PCDHGB3: variants seen among roughly 807,000 people sequenced by gnomAD.
PCDHGB3 encodes the protein protocadherin gamma subfamily B, 3.
A neutral mutation model predicts 59.2 loss-of-function variants in PCDHGB3; 40 were observed. That is an observed-to-expected ratio of 0.68 (90% confidence interval 0.52 to 0.88). The LOEUF (loss-of-function observed/expected upper bound fraction) is 0.88. Ranked by LOEUF, PCDHGB3 falls within the 40% of genes least tolerant of loss-of-function variation. The probability of loss-of-function intolerance (pLI) is 0.00; values close to 1 mark genes in which losing one functional copy is unlikely to be tolerated. For synonymous variants in PCDHGB3, 581 were observed against 503.6 expected (o/e 1.15, Z -2.06); for missense variants, 1,309 against 1,187.9 (o/e 1.10, Z -1.50).
intron 1 of PCDHGB3, chr5:141,383,196 T>C (rs7704696): frequency 0.066 from 106,221 of 1,613,864 alleles, 4,924 homozygotes; most frequent in African/African-American, 0.24. Context: ...GCGCTCAGAG[T>C]GCGCGGTGTC....
chr5:141,398,889 C>A (rs1300521650), intron 1 of PCDHGB3: 2 of 1,613,958 alleles, frequency 1.2e-6, no homozygotes, highest in Non-Finnish European at 1.7e-6. Context: ...TTCGGGAAAA[C>A]GTGCCACCAG....
chr5:141,430,750 G>A (rs746434313), intron 1 of PCDHGB3: 2 of 1,500,586 alleles, frequency 1.3e-6, no homozygotes, highest in Non-Finnish European at 1.8e-6. Context: ...AATTCTGGAG[G>A]AAGATAAGAA....
At chr5:141,394,874 G>C in intron 1 of PCDHGB3, 3 of 1,613,814 alleles carry the variant, frequency 1.9e-6, no homozygotes, top group South Asian at 1.1e-5. Context: ...CGAACGATTC[G>C]AGCCTTACAC....
rs1374646530 is a variant in PCDHGB3, at chr5:141,431,339, T to C, written c.2415+58530T>C. ...AGCCGACGGTAGTAAGTACCCCGAA[T>C]TGGTGCTGAAACGCGCCCTGGACCG... On this transcript the variant is annotated intron_variant, in intron 1 of 3. Coordinates refer to ENST00000576222, the MANE Select transcript of PCDHGB3 (RefSeq NM_018924.5). This position sits in a 1 kb window ranked among gnomAD's most constrained non-coding sequence, Gnocchi z 4.8. 1 of 1,614,060 alleles carries C rather than the reference T, an allele frequency of 6.2e-7. No individual in the cohort carries two copies. The highest frequency in any genetic ancestry group is 8.5e-7 in the Non-Finnish European group (1 of 1,180,024).
chr5:141,403,262 G>C (rs1162911439), intron 1 of PCDHGB3: 1 of 1,613,868 alleles, frequency 6.2e-7, no homozygotes, highest in Middle Eastern at 1.6e-4. Context: ...GCGGTGTCTG[G>C]TGAACTTTAA....
chr5:141,460,979 GTGTGTATATATATATA>G (rs2099004425), intron 1 of PCDHGB3, among the ~76,000 whole-genome samples: 1 of 134,290 alleles, frequency 7.4e-6, no homozygotes, highest in Non-Finnish European at 1.5e-5. Flanking sequence ...GTGTGTGTGT[GTGTGTATATATATATA>G]TGTGTATATA....
chr5:141,432,753 C>G lies in PCDHGB3; in HGVS notation c.2415+59944C>G. ...ACTGTCACGCTCACCGTGGCCGTGGCCGACAGCATCCCCCAAGTCCTGGCG... is the reference window on the plus strand; with the variant it reads ...ACTGTCACGCTCACCGTGGCCGTGGGCGACAGCATCCCCCAAGTCCTGGCG... On this transcript the variant is annotated intron_variant, in intron 1 of 3. Coordinates refer to ENST00000576222, the MANE Select transcript of PCDHGB3 (RefSeq NM_018924.5). The surrounding 1 kb of genome is among the most constrained non-coding windows in gnomAD (Gnocchi z 6.0). 1 of 1,614,138 alleles carries G rather than the reference C, an allele frequency of 6.2e-7. No individual in the cohort carries two copies. The highest frequency in any genetic ancestry group is 8.5e-7 in the Non-Finnish European group (1 of 1,179,996).
At chr5:141,446,169 C>A (rs920519501) in intron 1 of PCDHGB3, among the ~76,000 whole-genome samples, 1 of 152,014 alleles carries the variant, frequency 6.6e-6, no homozygotes, top group African/African-American at 2.4e-5. Flanking sequence ...TTCATGAGGG[C>A]AGGGGGTGTT....
chr5:141,385,264 G>T (rs879420336), intron 1 of PCDHGB3: 21 of 1,613,712 alleles, frequency 1.3e-5, no homozygotes, highest in Non-Finnish European at 1.6e-5. Flanking sequence ...TGAGAAAAAT[G>T]ATTCTTTGCT....
At chr5:141,506,829 T>C (rs1449718553) in intron 3 of PCDHGB3, among the ~76,000 whole-genome samples, 1 of 152,182 alleles carries the variant, frequency 6.6e-6, no homozygotes, top group African/African-American at 2.4e-5. Context: ...CATGAACTGA[T>C]AGCCCTGCCC....
At chr5:141,470,858 TTTTG>T (rs775688955) in intron 1 of PCDHGB3, among the ~76,000 whole-genome samples, 79 of 151,956 alleles carry the variant, frequency 5.2e-4, no homozygotes, top group Non-Finnish European at 3.5e-4. Context: ...CAGATAAGTT[TTTTG>T]TTTGTTTGTT....
intron 1 of PCDHGB3, among the ~76,000 whole-genome samples, chr5:141,455,439 C>T (rs966470257): frequency 1.3e-5 from 2 of 152,126 alleles, no homozygotes; most frequent in East Asian, 1.9e-4. Context: ...AGGAGGTCCC[C>T]ATCTACCGCG....
At chr5:141,501,570 G>C (rs1251110101) in intron 2 of PCDHGB3, among the ~76,000 whole-genome samples, 1 of 151,996 alleles carries the variant, frequency 6.6e-6, no homozygotes, top group African/African-American at 2.4e-5. Flanking sequence ...ATCATATTAG[G>C]CTGGCTTTCA....
At chr5:141,374,810 A>G in intron 1 of PCDHGB3, 1 of 1,613,952 alleles carries the variant, frequency 6.2e-7, no homozygotes, top group Non-Finnish European at 8.5e-7. Context: ...TCCAATGTTT[A>G]CTCAGCCTGT....
At chr5:141,375,304 T>C (rs1436249937) in intron 1 of PCDHGB3, 4 of 1,613,762 alleles carry the variant, frequency 2.5e-6, no homozygotes, top group Non-Finnish European at 3.4e-6. Flanking sequence ...TAGTGACAAA[T>C]GCAGCTCTAG....
rs746309479 is a variant in PCDHGB3, at chr5:141,389,523, C to T, written c.2415+16714C>T. 36 of 1,613,164 alleles carry T rather than the reference C, an allele frequency of 2.2e-5. No homozygotes were observed. Among genetic ancestry groups the T allele is most frequent in the East Asian group, 4.5e-5 (2 of 44,878 alleles). On this transcript the variant is annotated intron_variant, in intron 1 of 3. Coordinates refer to ENST00000576222, the MANE Select transcript of PCDHGB3 (RefSeq NM_018924.5). ...AGCGCTCAGCGCGAACGTGAGCCTG[C>T]GCGTGTTAGTGGACGACCGCAACGA...
intron 1 of PCDHGB3, chr5:141,430,820 G>C (rs1194897001): frequency 6.5e-7 from 1 of 1,541,598 alleles, no homozygotes; most frequent in East Asian, 2.3e-5. Context: ...AATCCTCCTG[G>C]GGACTCTGTG....
rs148240637 is a variant in PCDHGB3, at chr5:141,383,750, T to A, written c.2415+10941T>A. On this transcript the variant is annotated intron_variant, in intron 1 of 3. Transcript: ENST00000576222. ...GAAGTGACATATTCTTTTCGGAAAA[T>A]AACTCCTAAACTTCCAAAGATGTTT... 1.9e-3 allele frequency: 3,008 copies of A among 1,613,910 alleles called. 48 individuals are homozygous for A. In the African/African-American group the frequency reaches 0.033, roughly 18 times the overall value.
chr5:141,375,200 G>C (rs755732164), intron 1 of PCDHGB3: 3 of 1,613,940 alleles, frequency 1.9e-6, no homozygotes, highest in Non-Finnish European at 2.5e-6. Flanking sequence ...TCAAGTGTTC[G>C]ATCGAGACTC....
Sources: allele counts gnomAD v4.1 joint callset (sites outside exome capture counted in the v4.1 genomes callset), GRCh38; gene constraint gnomAD v4.1.1; non-coding constraint Gnocchi (gnomAD v3.1); transcripts MANE v1.5; gene names NCBI Gene and HGNC (gene_info 2026-07-23, HGNC 2026-07-21).